The following FSTL4 variants were observed in gnomAD, a reference collection of about 807,000 sequenced individuals.
FSTL4 encodes the protein follistatin-related protein 4.
FSTL4 carries 28 observed loss-of-function variants against 78.2 expected under a neutral mutation model. The observed-to-expected ratio is 0.36, with a 90% CI of 0.27 to 0.49. The LOEUF (loss-of-function observed/expected upper bound fraction) is 0.49, where lower values mean the gene tolerates loss of function less well. FSTL4 is among the 20% of genes least tolerant of loss of function. FSTL4 has a pLI of 0.98. For synonymous variants in FSTL4, 422 were observed against 440.5 expected (o/e 0.96, Z 0.53); for missense variants, 922 against 1,084.9 (o/e 0.85, Z 2.11).
At chr5:133,673,410 C>T in the FSTL4 span, among the ~76,000 whole-genome samples, 6 of 152,172 alleles carry the variant, frequency 3.9e-5, no homozygotes, top group African/African-American at 7.2e-5. Context: ...CCTCCTGGCT[C>T]TGCTATCCTG....
chr5:133,538,162 G>T (rs1759392540), intron 3 of FSTL4, among the ~76,000 whole-genome samples: 1 of 151,796 alleles, frequency 6.6e-6, no homozygotes, highest in African/African-American at 2.4e-5. Context: ...ATCACAGATT[G>T]CATTTAGTTG....
At chr5:133,819,865 C>CCACCCT in the FSTL4 span, among the ~76,000 whole-genome samples, 1 of 152,188 alleles carries the variant, frequency 6.6e-6, no homozygotes, top group East Asian at 1.9e-4. Context: ...AGTGTGGCAG[C>CCACCCT]CACCCTCCCT....
At chr5:133,290,580 A>G (rs1022684855) in intron 6 of FSTL4, among the ~76,000 whole-genome samples, 12 of 152,200 alleles carry the variant, frequency 7.9e-5, no homozygotes, top group Admixed American at 2.0e-4. Flanking sequence ...TGACATGGCT[A>G]TCTGAAGCCC....
chr5:133,396,101 G>C (rs1161271152), intron 4 of FSTL4, among the ~76,000 whole-genome samples: 1 of 152,154 alleles, frequency 6.6e-6, no homozygotes, highest in Non-Finnish European at 1.5e-5. Flanking sequence ...CTCATTCACA[G>C]GAGGACCCAC....
intron 4 of FSTL4, among the ~76,000 whole-genome samples, chr5:133,326,256 T>C (rs534298836): frequency 1.4e-4 from 21 of 152,338 alleles, no homozygotes; most frequent in African/African-American, 5.1e-4. Flanking sequence ...ATCTTTAAGA[T>C]ATATTTTAGC....
intron 3 of FSTL4, among the ~76,000 whole-genome samples, chr5:133,498,998 T>TACACACAC (rs142906885): frequency 0.012 from 1,817 of 147,058 alleles, 32 homozygotes; most frequent in African/African-American, 0.042. Context: ...AGCAACAAAT[T>TACACACAC]ACACACACAC....
At chr5:133,580,939 C>T (rs947016509) in intron 2 of FSTL4, among the ~76,000 whole-genome samples, 3 of 152,130 alleles carry the variant, frequency 2.0e-5, no homozygotes, top group African/African-American at 4.8e-5. Context: ...GAGGAACTTC[C>T]GACTCCTACC....
chr5:133,807,083 TACA>T, the FSTL4 span, among the ~76,000 whole-genome samples: 18 of 152,330 alleles, frequency 1.2e-4, 1 homozygote, highest in South Asian at 3.7e-3. Flanking sequence ...AGTTCCTCCT[TACA>T]ACAATAGCAC....
At chr5:133,219,799 T>C (rs764445459) in intron 12 of FSTL4, among the ~76,000 whole-genome samples, 5 of 152,214 alleles carry the variant, frequency 3.3e-5, no homozygotes, top group Non-Finnish European at 5.9e-5. Flanking sequence ...TTACTACAAA[T>C]ATATGAGAAA....
At chr5:133,644,186 T>G in the FSTL4 span, among the ~76,000 whole-genome samples, 1 of 152,192 alleles carries the variant, frequency 6.6e-6, no homozygotes, top group African/African-American at 2.4e-5. Context: ...AATCTGTGCT[T>G]TCAGCTGGAA....
the FSTL4 span, among the ~76,000 whole-genome samples, chr5:133,664,595 A>G: frequency 6.6e-6 from 1 of 152,186 alleles, no homozygotes; most frequent in Admixed American, 6.5e-5. Flanking sequence ...CTGCAAGTCC[A>G]TATATTTTAT....
chr5:133,321,129 G>A (rs980816447), intron 4 of FSTL4, among the ~76,000 whole-genome samples: 1 of 152,058 alleles, frequency 6.6e-6, no homozygotes, highest in Non-Finnish European at 1.5e-5. Flanking sequence ...TTCCACACAG[G>A]TGACTACAAG....
intron 3 of FSTL4, among the ~76,000 whole-genome samples, chr5:133,474,296 A>G (rs957313741): frequency 3.3e-5 from 5 of 151,446 alleles, no homozygotes; most frequent in African/African-American, 1.2e-4. Context: ...CATGCTGCCC[A>G]AGAATGAACA....
intron 4 of FSTL4, among the ~76,000 whole-genome samples, chr5:133,326,421 G>A (rs180731534): frequency 4.8e-4 from 73 of 152,264 alleles, no homozygotes; most frequent in Admixed American, 7.8e-4. Flanking sequence ...ACCCACTGCC[G>A]CTGTCCCCTG....
Position 133,349,295 on chromosome 5 carries a change from CTGTGTG to C in FSTL4, c.410-32649_410-32644del, listed in dbSNP as rs1554107119. 5.3e-3 allele frequency among the ~76,000 whole-genome samples: 736 copies of C among 139,768 alleles called. 5 individuals are homozygous for C. Among genetic ancestry groups the C allele is most frequent in the African/African-American group, 0.013 (471 of 37,316 alleles). 91.7% of individuals were successfully genotyped at this position (139,768 alleles called of 152,430 possible). A position where few individuals can be genotyped will look rare whatever the true frequency, so the allele number is the denominator to read the frequency against. On this transcript the variant is annotated intron_variant, in intron 4 of 15. Transcript: ENST00000265342. ...GCTCCCCTGTTGAAAGCCTCTCTCTCTGTGTGTGTGTGTGTGTGTGTGTGTGTGTGT... is the reference window on the plus strand; with the variant it reads ...GCTCCCCTGTTGAAAGCCTCTCTCTCTGTGTGTGTGTGTGTGTGTGTGTGT...
At chr5:133,808,803 G>A in the FSTL4 span, among the ~76,000 whole-genome samples, 1 of 152,002 alleles carries the variant, frequency 6.6e-6, no homozygotes, top group Non-Finnish European at 1.5e-5. Flanking sequence ...GAGCCAACCT[G>A]AAAACCCAAA....
At position 133,504,019 on chromosome 5, in the gene FSTL4, A is replaced by G. The variant is rs201543807; in HGVS notation, c.160+63167T>C. On this transcript the variant is annotated intron_variant, in intron 3 of 15. Coordinates refer to ENST00000265342, the MANE Select transcript of FSTL4 (RefSeq NM_015082.2). ...CCGAGCAAAGGGGGAAACCCCTTATAAAACCATCGGATCTCGTGAGAACTT... is the reference window on the plus strand; with the variant it reads ...CCGAGCAAAGGGGGAAACCCCTTATGAAACCATCGGATCTCGTGAGAACTT... Among the ~76,000 whole-genome samples the G allele has an allele frequency of 9.8e-5, 15 of 152,294 alleles. No individual in the cohort carries two copies. The East Asian group carries it at 2.9e-3, about 29-fold the overall frequency.
intron 4 of FSTL4, among the ~76,000 whole-genome samples, chr5:133,371,596 TGTAAA>T (rs1755302262): frequency 6.6e-6 from 1 of 152,166 alleles, no homozygotes; most frequent in Admixed American, 6.5e-5. Context: ...TTGAAGTGCC[TGTAAA>T]GTAATGCGGA....
chr5:133,547,771 C>A (rs1376258463), intron 3 of FSTL4, among the ~76,000 whole-genome samples: 1 of 152,130 alleles, frequency 6.6e-6, no homozygotes, highest in African/African-American at 2.4e-5. Context: ...GATTTGGCAA[C>A]CTGAGCCTCT....
Sources: gnomAD v4.1 joint callset for allele counts (sites outside exome capture counted in the v4.1 genomes callset) on GRCh38, gnomAD v4.1.1 for gene constraint, MANE v1.5 for transcripts, NCBI Gene and HGNC (gene_info 2026-07-23, HGNC 2026-07-21) for gene names.